Variants in CNTLN observed in about 807,000 individuals in gnomAD.
CNTLN encodes the protein centlein, centrosomal protein.
A neutral mutation model predicts 180.0 loss-of-function variants in CNTLN; 212 were observed. The ratio of observed to expected loss-of-function variants is 1.18; its 90% CI spans 1.05 to 1.32. CNTLN has a LOEUF of 1.32. Ranked by LOEUF, CNTLN falls within the 40% of genes most tolerant of loss-of-function variation. The pLI, the probability that CNTLN is intolerant of heterozygous loss-of-function variation, is 0.00. For synonymous variants in CNTLN, 722 were observed against 563.1 expected (o/e 1.28, Z -3.99); for missense variants, 2,095 against 1,610.9 (o/e 1.30, Z -5.14).
chr9:17,216,764 T>A (rs1490102738), intron 2 of CNTLN, among the ~76,000 whole-genome samples: 1 of 152,210 alleles, frequency 6.6e-6, no homozygotes, highest in Non-Finnish European at 1.5e-5. Flanking sequence ...GTTACACAGC[T>A]GCTATATGGT....
chr9:17,202,668 T>TTTG (rs1822627534), intron 2 of CNTLN, among the ~76,000 whole-genome samples: 1 of 143,938 alleles, frequency 6.9e-6, no homozygotes. Flanking sequence ...TTTTTTTTTT[T>TTTG]TTGTTGCTTT....
intron 6 of CNTLN, among the ~76,000 whole-genome samples, chr9:17,290,868 C>T (rs953271109): frequency 5.3e-5 from 8 of 152,308 alleles, no homozygotes; most frequent in Admixed American, 3.9e-4. Flanking sequence ...TGCTTCGGCT[C>T]GCGCATGGTG....
chr9:17,390,907 C>T (rs1389597225), intron 14 of CNTLN, among the ~76,000 whole-genome samples: 1 of 152,092 alleles, frequency 6.6e-6, no homozygotes, highest in East Asian at 1.9e-4. Context: ...AAACCACAGA[C>T]ATCTTCAGTT....
chr9:17,528,489 G>C, the CNTLN span, among the ~76,000 whole-genome samples: 1 of 152,204 alleles, frequency 6.6e-6, no homozygotes, highest in Non-Finnish European at 1.5e-5. Context: ...AAAAACGTCT[G>C]AGAAACTGTC....
intron 12 of CNTLN, among the ~76,000 whole-genome samples, chr9:17,343,436 A>G (rs147403395): frequency 0.012 from 1,838 of 152,258 alleles, 44 homozygotes; most frequent in African/African-American, 0.042. Context: ...ATACTACATG[A>G]TAACATGTAT....
intron 6 of CNTLN, among the ~76,000 whole-genome samples, chr9:17,295,289 C>T (rs1237298794): frequency 2.0e-5 from 3 of 152,184 alleles, no homozygotes; most frequent in East Asian, 1.9e-4. Flanking sequence ...GGTGCAGCGG[C>T]GGGCTGAAGG....
intron 8 of CNTLN, among the ~76,000 whole-genome samples, chr9:17,317,821 A>G (rs1033870902): frequency 6.6e-6 from 1 of 152,114 alleles, no homozygotes; most frequent in Admixed American, 6.6e-5. Flanking sequence ...ATTGAGAGCT[A>G]TGGGGAGAGG....
chr9:17,521,085 A>G, the CNTLN span, among the ~76,000 whole-genome samples: 1 of 152,206 alleles, frequency 6.6e-6, no homozygotes, highest in East Asian at 1.9e-4. Context: ...AAGTAATCTA[A>G]CTAGACAAGG....
intron 12 of CNTLN, among the ~76,000 whole-genome samples, chr9:17,356,683 G>A (rs1289057564): frequency 6.6e-6 from 1 of 152,102 alleles, no homozygotes; most frequent in Non-Finnish European, 1.5e-5. Context: ...CAATAAATAT[G>A]CTGGGCACTA....
At chr9:17,250,451 C>T (rs1826068863) in intron 5 of CNTLN, among the ~76,000 whole-genome samples, 1 of 151,534 alleles carries the variant, frequency 6.6e-6, no homozygotes, top group South Asian at 2.1e-4. Flanking sequence ...TTATTGCTTT[C>T]CTTAGTTGAT....
At chr9:17,252,356 A>G (rs139583426) in intron 5 of CNTLN, among the ~76,000 whole-genome samples, 1 of 151,864 alleles carries the variant, frequency 6.6e-6, no homozygotes, top group East Asian at 1.9e-4. Flanking sequence ...ATTTTCACCA[A>G]CAGTGTATAA....
chr9:17,337,138 C>T (rs897430915), intron 10 of CNTLN, among the ~76,000 whole-genome samples: 7 of 152,054 alleles, frequency 4.6e-5, no homozygotes, highest in African/African-American at 1.7e-4. Flanking sequence ...TATCCTTCGC[C>T]CACTTTTTGA....
At chr9:17,430,198 C>G (rs1311237510) in intron 18 of CNTLN, among the ~76,000 whole-genome samples, 1 of 151,844 alleles carries the variant, frequency 6.6e-6, no homozygotes, top group African/African-American at 2.4e-5. Context: ...TTTTATACAT[C>G]TCCTAAAATT....
chr9:17,521,124 A>C, the CNTLN span, among the ~76,000 whole-genome samples: 2 of 152,336 alleles, frequency 1.3e-5, no homozygotes, highest in Admixed American at 1.3e-4. Context: ...GTGATGTTTT[A>C]AAATGAAGAA....
At chr9:17,490,872 A>G (rs1239682618) in intron 25 of CNTLN, among the ~76,000 whole-genome samples, 1 of 152,140 alleles carries the variant, frequency 6.6e-6, no homozygotes, top group Non-Finnish European at 1.5e-5. Flanking sequence ...ATTTCTTTAA[A>G]TGCAATTGAA....
intron 18 of CNTLN, among the ~76,000 whole-genome samples, chr9:17,432,145 G>A (rs1829454329): frequency 6.6e-6 from 1 of 151,744 alleles, no homozygotes; most frequent in South Asian, 2.1e-4. Flanking sequence ...AGAAATCAGG[G>A]GAAATAGCAG....
Position 17,394,930 on chromosome 9 carries a change from A to G in CNTLN, c.2476A>G (p.Thr826Ala). ...ACGATATGATTGTAAGACAACTATG[A>G]CCAAGGTTAAATTTAAAGCTGCGAA... ...SGRYDCKTTM[T>A]KVKFKAAKKN... is the part of the protein sequence containing the mutation. The change falls in exon 15 of 26, where the codon ACC (threonine) becomes GCC (alanine). Residue 826 changes from threonine (T) to alanine (A), a missense_variant. By Grantham distance (58) the Thr-to-Ala change is moderately conservative. Coordinates refer to ENST00000380647, the MANE Select transcript of CNTLN (RefSeq NM_017738.4). 6.2e-7 allele frequency: 1 copy of G among 1,614,108 alleles called. No individual in the cohort carries two copies. The highest frequency in any genetic ancestry group is 8.5e-7 in the Non-Finnish European group (1 of 1,179,970).
chr9:17,241,207 T>G (rs568032625), intron 5 of CNTLN, among the ~76,000 whole-genome samples: 2 of 152,312 alleles, frequency 1.3e-5, no homozygotes, highest in African/African-American at 2.4e-5. Context: ...GTGACTTAAG[T>G]CTTTAATCCA....
chr9:17,227,275 A>G (rs142925926), intron 3 of CNTLN, among the ~76,000 whole-genome samples: 52 of 152,020 alleles, frequency 3.4e-4, no homozygotes, highest in East Asian at 2.9e-3. Flanking sequence ...GTACAGTCCT[A>G]TCTTTTATGT....
Sources: allele counts gnomAD v4.1 joint callset (sites outside exome capture counted in the v4.1 genomes callset), GRCh38; gene constraint gnomAD v4.1.1; transcripts MANE v1.5; gene names NCBI Gene and HGNC (gene_info 2026-07-23, HGNC 2026-07-21).